Variants in PRKCA observed in about 807,000 individuals in gnomAD.
PRKCA encodes protein kinase C alpha.
PRKCA carries 27 observed loss-of-function variants against 87.0 expected under a neutral mutation model. That is an observed-to-expected ratio of 0.31 (90% CI 0.23 to 0.43). The LOEUF (loss-of-function observed/expected upper bound fraction) is 0.43. PRKCA is among the 20% of genes least tolerant of loss of function. The pLI, the probability that PRKCA is intolerant of heterozygous loss-of-function variation, is 1.00. For missense variants in PRKCA, 518 were observed against 852.3 expected (o/e 0.61, Z 4.88); for synonymous variants, 329 against 311.1 (o/e 1.06, Z -0.61).
At chr17:66,523,703 A>T (rs537669611) in intron 3 of PRKCA, among the ~76,000 whole-genome samples, 1 of 152,284 alleles carries the variant, frequency 6.6e-6, no homozygotes, top group East Asian at 1.9e-4. Context: ...GAGTTCCGGC[A>T]GGAGGAGGGG....
chr17:66,430,019 C>T (rs2059315552), intron 2 of PRKCA, among the ~76,000 whole-genome samples: 3 of 152,082 alleles, frequency 2.0e-5, no homozygotes, highest in Non-Finnish European at 4.4e-5. Context: ...CTGAGCTACA[C>T]ACTCTTTATA....
chr17:66,706,276 G>A (rs934688560), intron 8 of PRKCA, among the ~76,000 whole-genome samples: 3 of 152,050 alleles, frequency 2.0e-5, no homozygotes, highest in South Asian at 4.1e-4. Flanking sequence ...ATTAAATAGC[G>A]AAGGGATCAG....
rs1159186880 is a variant in PRKCA at position 66,752,833 on chromosome 17, A to T, written c.1524+10073A>T. On this transcript the variant is annotated intron_variant, in intron 13 of 16. Coordinates refer to ENST00000413366, the MANE Select transcript of PRKCA (RefSeq NM_002737.3). Reference sequence around the variant, plus strand: ...ATGGTGCTGGCTACTAAAAGGCCAAAAACAGAAGCCACAGGCTGCTGAAGT... The same window carrying T: ...ATGGTGCTGGCTACTAAAAGGCCAATAACAGAAGCCACAGGCTGCTGAAGT... Among the ~76,000 whole-genome samples the T allele has an allele frequency of 3.3e-5, 5 of 152,292 alleles. No individual in the cohort carries two copies. In the East Asian group the frequency reaches 9.7e-4, roughly 29 times the overall value.
chr17:66,365,478 T>C (rs1908656922), intron 2 of PRKCA, among the ~76,000 whole-genome samples: 1 of 152,186 alleles, frequency 6.6e-6, no homozygotes. Context: ...TGAGATATGT[T>C]TGACCCAGGC....
At chr17:66,332,647 A>G (rs187501702) in intron 2 of PRKCA, among the ~76,000 whole-genome samples, 3 of 151,636 alleles carry the variant, frequency 2.0e-5, no homozygotes, top group South Asian at 2.1e-4. Context: ...GGTCCATTCT[A>G]CCATTTTCTA....
chr17:66,756,771 C>T (rs977154385), intron 13 of PRKCA, among the ~76,000 whole-genome samples: 1 of 152,096 alleles, frequency 6.6e-6, no homozygotes, highest in African/African-American at 2.4e-5. Context: ...AAGCGAGTCT[C>T]CGGCCTCAGC....
intron 2 of PRKCA, among the ~76,000 whole-genome samples, chr17:66,488,211 A>T (rs1449667900): frequency 2.0e-5 from 3 of 152,200 alleles, no homozygotes; most frequent in Admixed American, 2.0e-4. Context: ...CTTTCTGTGG[A>T]AAGTACAGAA....
chr17:66,550,772 T>G (rs1968302151), intron 3 of PRKCA, among the ~76,000 whole-genome samples: 1 of 151,976 alleles, frequency 6.6e-6, no homozygotes, highest in Non-Finnish European at 1.5e-5. Context: ...GTTCATTCAC[T>G]GCCTCCTCCA....
rs1367968008 is a variant in PRKCA at position 66,562,160 on chromosome 17, A to G, written c.288+65877A>G. Among the ~76,000 whole-genome samples the G allele has an allele frequency of 3.3e-5, 3 of 89,556 alleles. 1 individual carries two copies. Among genetic ancestry groups the G allele is most frequent in the Non-Finnish European group, 6.7e-5 (3 of 44,538 alleles). The allele number at this position is 89,556 out of a possible 152,430, so 58.8% of individuals were successfully genotyped here. A position where few individuals can be genotyped will look rare whatever the true frequency, so the allele number is the denominator to read the frequency against. On this transcript the variant is annotated intron_variant, in intron 3 of 16. Transcript: ENST00000413366. ...AATTATATATATAATTAAATTATAT[A>G]TATAATTAAATATATATAATTAAGT...
At chr17:66,640,864 T>A (rs1971274901) in intron 3 of PRKCA, 1 of 424,472 alleles carries the variant, frequency 2.4e-6, no homozygotes, top group African/African-American at 2.1e-5. Flanking sequence ...ATTCATTATA[T>A]TAAAACATGA....
chr17:66,357,096 T>G (rs1908106512), intron 2 of PRKCA, among the ~76,000 whole-genome samples: 1 of 152,190 alleles, frequency 6.6e-6, no homozygotes, highest in African/African-American at 2.4e-5. Context: ...TCTTGTCTTT[T>G]GCAAAGATAG....
chr17:66,786,213 C>G (rs1228120485), intron 14 of PRKCA, among the ~76,000 whole-genome samples: 4 of 152,200 alleles, frequency 2.6e-5, no homozygotes, highest in Non-Finnish European at 4.4e-5. Flanking sequence ...TGGTCCAGAT[C>G]CACCTGACTC....
rs542494205 is a variant in PRKCA at position 66,644,438 on chromosome 17, G to A, written c.401-945G>A. ...CCTTCTGGAAGCCTAAAGGTACAAG[G>A]GTGATCGAGCTGGAACACCCACACA... On this transcript the variant is annotated intron_variant, in intron 4 of 16. Coordinates refer to ENST00000413366, the MANE Select transcript of PRKCA (RefSeq NM_002737.3). Among the ~76,000 whole-genome samples, 5 of 152,226 alleles carry A rather than the reference G, an allele frequency of 3.3e-5. 1 individual carries two copies. The highest frequency in any genetic ancestry group is 1.2e-4 in the African/African-American group (5 of 41,544).
intron 16 of PRKCA, among the ~76,000 whole-genome samples, chr17:66,797,555 G>A (rs1036433071): frequency 2.6e-5 from 4 of 152,168 alleles, no homozygotes; most frequent in Non-Finnish European, 5.9e-5. Context: ...CTGAGGAAGG[G>A]CCTCATGCCC....
chr17:66,368,612 G>A (rs1275866309), intron 2 of PRKCA, among the ~76,000 whole-genome samples: 1 of 151,006 alleles, frequency 6.6e-6, no homozygotes, highest in South Asian at 2.1e-4. Context: ...GGCTGGTCTC[G>A]AACTCCTGAG....
At chr17:66,784,314 C>T (rs910796796) in intron 14 of PRKCA, among the ~76,000 whole-genome samples, 6 of 152,178 alleles carry the variant, frequency 3.9e-5, no homozygotes, top group African/African-American at 1.2e-4. Context: ...AGCGCAATCT[C>T]AGCTCAGTGC....
At chr17:66,370,493 T>C (rs2143530943) in intron 2 of PRKCA, among the ~76,000 whole-genome samples, 1 of 151,796 alleles carries the variant, frequency 6.6e-6, no homozygotes, top group African/African-American at 2.4e-5. Flanking sequence ...TTTGTATAAT[T>C]ATTTAATCTT....
At chr17:66,794,815 G>A (rs1975629014) in intron 16 of PRKCA, among the ~76,000 whole-genome samples, 1 of 151,828 alleles carries the variant, frequency 6.6e-6, no homozygotes, top group Admixed American at 6.6e-5. Flanking sequence ...GTAGAGATGG[G>A]GTTTTGCCAT....
intron 2 of PRKCA, among the ~76,000 whole-genome samples, chr17:66,331,549 G>C (rs771282879): frequency 6.6e-6 from 1 of 152,132 alleles, no homozygotes; most frequent in Admixed American, 6.5e-5. Flanking sequence ...ACTCTCCTCT[G>C]CACAGACTTG....
Sources: gnomAD v4.1 joint callset for allele counts (sites outside exome capture counted in the v4.1 genomes callset) on GRCh38, gnomAD v4.1.1 for gene constraint, MANE v1.5 for transcripts, NCBI Gene and HGNC (gene_info 2026-07-23, HGNC 2026-07-21) for gene names.